Variants in PRLR observed in about 807,000 individuals in gnomAD.
PRLR encodes prolactin receptor.
In PRLR, 13 loss-of-function variants were observed where a neutral mutation model predicts 40.2. The ratio of observed to expected loss-of-function variants is 0.32; its 90% confidence interval spans 0.21 to 0.51. The LOEUF (loss-of-function observed/expected upper bound fraction) is 0.51, where lower values mean the gene tolerates loss of function less well. Ranked by LOEUF, PRLR falls within the 20% of genes least tolerant of loss-of-function variation. PRLR has a pLI of 0.97. For missense variants in PRLR, 656 were observed against 747.3 expected (o/e 0.88, Z 1.42); for synonymous variants, 269 against 278.7 (o/e 0.97, Z 0.35).
intron 5 of PRLR, among the ~76,000 whole-genome samples, chr5:35,078,455 A>G (rs1194246615): frequency 6.6e-5 from 10 of 152,214 alleles, no homozygotes; most frequent in Non-Finnish European, 1.3e-4. Flanking sequence ...AAAATCTAGA[A>G]GAAATGGATA....
intron 5 of PRLR, among the ~76,000 whole-genome samples, chr5:35,076,729 A>G (rs988958605): frequency 6.6e-6 from 1 of 152,224 alleles, no homozygotes; most frequent in African/African-American, 2.4e-5. Context: ...GAGCAACTCC[A>G]AGACACGTAA....
intron 1 of PRLR, among the ~76,000 whole-genome samples, chr5:35,119,925 A>G (rs1773226581): frequency 6.6e-6 from 1 of 152,174 alleles, no homozygotes. Flanking sequence ...GCAGTTCAAC[A>G]AACACTTATT....
intron 1 of PRLR, among the ~76,000 whole-genome samples, chr5:35,123,451 T>C (rs1773357392): frequency 6.6e-6 from 1 of 152,112 alleles, no homozygotes; most frequent in African/African-American, 2.4e-5. Context: ...TGAAAATGAG[T>C]CCTAGTTATT....
intron 1 of PRLR, among the ~76,000 whole-genome samples, chr5:35,216,378 T>C (rs1052504039): frequency 1.3e-5 from 2 of 150,930 alleles, no homozygotes; most frequent in Non-Finnish European, 1.5e-5. Context: ...CAGAAGAAAA[T>C]AGACAACAAA....
At position 35,175,599 on chromosome 5, in the gene PRLR, A is replaced by G. The variant is rs1440812481; in HGVS notation, c.-106+54669T>C. ...AAAGGCCTTTTGTAAACTTTGCCTG[A>G]AGAGTTTCTAAGAACAAGTCTCCTA... On this transcript the variant is annotated intron_variant, in intron 1 of 9. Coordinates refer to ENST00000618457, the MANE Select transcript of PRLR (RefSeq NM_000949.7). Among the ~76,000 whole-genome samples the G allele has an allele frequency of 2.0e-5, 3 of 152,180 alleles. No individual in the cohort carries two copies. The East Asian group carries it at 5.8e-4, about 29-fold the overall frequency.
rs186736803 is a variant in PRLR, at chr5:35,189,443, C to T, written c.-106+40825G>A. ...TAAAAATACAAAAATTAACCAGGCGCCATGGTGCATGCCTGTATTCCCAGC... is the reference window on the plus strand; with the variant it reads ...TAAAAATACAAAAATTAACCAGGCGTCATGGTGCATGCCTGTATTCCCAGC... On this transcript the variant is annotated intron_variant, in intron 1 of 9. Coordinates refer to ENST00000618457, the MANE Select transcript of PRLR (RefSeq NM_000949.7). 2.0e-5 allele frequency among the ~76,000 whole-genome samples: 3 copies of T among 152,130 alleles called. No individual in the cohort carries two copies. In the East Asian group the frequency reaches 5.8e-4, roughly 29 times the overall value.
At chr5:35,126,695 GA>G (rs1240302650) in intron 1 of PRLR, among the ~76,000 whole-genome samples, 2 of 152,148 alleles carry the variant, frequency 1.3e-5, no homozygotes, top group African/African-American at 4.8e-5. Context: ...CTGTAAAGTG[GA>G]AATATCTATT....
intron 2 of PRLR, among the ~76,000 whole-genome samples, chr5:35,108,957 C>G (rs1442861154): frequency 2.6e-5 from 4 of 152,192 alleles, no homozygotes; most frequent in Non-Finnish European, 5.9e-5. Flanking sequence ...TGCTGCCTGA[C>G]TTCAAACTAT....
chr5:35,054,768 A>G (rs1260136782), downstream of PRLR, among the ~76,000 whole-genome samples: 3 of 152,230 alleles, frequency 2.0e-5, no homozygotes, highest in Non-Finnish European at 4.4e-5. Flanking sequence ...AAAGTGCATA[A>G]AGATATCTGC....
chr5:35,112,776 G>T (rs1226421243), intron 2 of PRLR, among the ~76,000 whole-genome samples: 1 of 152,068 alleles, frequency 6.6e-6, no homozygotes, highest in Non-Finnish European at 1.5e-5. Context: ...AAACATCTGG[G>T]CTATTTATCT....
At chr5:35,217,531 T>C (rs1776313997) in intron 1 of PRLR, among the ~76,000 whole-genome samples, 1 of 152,138 alleles carries the variant, frequency 6.6e-6, no homozygotes. Context: ...GGATCAGCAA[T>C]AGTCTGTAGG....
intron 1 of PRLR, among the ~76,000 whole-genome samples, chr5:35,162,905 C>A (rs550216992): frequency 3.9e-5 from 6 of 152,294 alleles, no homozygotes; most frequent in Admixed American, 3.9e-4. Flanking sequence ...TTCCAATGGA[C>A]TCCTTGAGTT....
chr5:35,106,315 C>G (rs533239998), intron 2 of PRLR, among the ~76,000 whole-genome samples: 26 of 152,310 alleles, frequency 1.7e-4, no homozygotes, highest in African/African-American at 6.3e-4. Flanking sequence ...GAAACTGCAT[C>G]AACTAATAAG....
At chr5:35,117,245 A>G (rs1024103043) in intron 2 of PRLR, among the ~76,000 whole-genome samples, 7 of 152,212 alleles carry the variant, frequency 4.6e-5, no homozygotes, top group Admixed American at 3.3e-4. Context: ...TCATGTTTCA[A>G]TGTGGGAAGA....
rs748197584 is a variant in PRLR at position 35,072,579 on chromosome 5, C to A, written c.539G>T (p.Trp180Leu). 1.4e-5 allele frequency: 23 copies of A among 1,613,590 alleles called. No individual in the cohort carries two copies. The highest frequency in any genetic ancestry group is 8.5e-7 in the Non-Finnish European group (1 of 1,179,826). ...IRLKPEKAAE[W>L]EIHFAGQQTE... ...AAAAGCATATGGATCACTCACCTCC[C>A]ACTCAGCTGCTTTCTCGGGTTTTAA... Residue 180 changes from tryptophan (W) to leucine (L), a missense_variant, in exon 6 of 10, where the codon TGG becomes TTG. Physicochemically the swap from Trp to Leu is moderately conservative, Grantham distance 61. Coordinates refer to ENST00000618457, the MANE Select transcript of PRLR (RefSeq NM_000949.7).
At chr5:35,202,305 C>T (rs773943937) in intron 1 of PRLR, among the ~76,000 whole-genome samples, 2 of 152,196 alleles carry the variant, frequency 1.3e-5, no homozygotes, top group African/African-American at 4.8e-5. Flanking sequence ...AAGTCCTCTA[C>T]CTGATTCACG....
downstream of PRLR, among the ~76,000 whole-genome samples, chr5:35,053,251 T>C (rs994212328): frequency 6.6e-6 from 1 of 152,158 alleles, no homozygotes; most frequent in African/African-American, 2.4e-5. Context: ...AACAGTGTTG[T>C]TAGCTTGTGG....
At chr5:35,104,366 G>A (rs1446106093) in intron 2 of PRLR, among the ~76,000 whole-genome samples, 1 of 152,140 alleles carries the variant, frequency 6.6e-6, no homozygotes, top group African/African-American at 2.4e-5. Context: ...TCATCTCACT[G>A]GGGCTTGTTG....
At chr5:35,054,734 C>T (rs1040419227), downstream of PRLR, among the ~76,000 whole-genome samples, 7 of 152,106 alleles carry the variant, frequency 4.6e-5, no homozygotes, top group Admixed American at 1.3e-4. Flanking sequence ...ATCTCAAAAA[C>T]CCAATGCCGA....
Sources: gnomAD v4.1 joint callset for allele counts (sites outside exome capture counted in the v4.1 genomes callset) on GRCh38, gnomAD v4.1.1 for gene constraint, MANE v1.5 for transcripts, NCBI Gene and HGNC (gene_info 2026-07-23, HGNC 2026-07-21) for gene names.